TRPM3: variants seen among roughly 807,000 people sequenced by gnomAD.
TRPM3 encodes the protein long transient receptor potential channel 3.
In TRPM3, 77 loss-of-function variants were observed where a neutral mutation model predicts 181.2. The ratio of observed to expected loss-of-function variants is 0.42; its 90% CI spans 0.35 to 0.51. The LOEUF (loss-of-function observed/expected upper bound fraction) is 0.51. Ranked by LOEUF, TRPM3 falls within the 20% of genes least tolerant of loss-of-function variation. The pLI is 0.01. For synonymous variants in TRPM3, 745 were observed against 796.4 expected, an observed-to-expected ratio of 0.94 and a Z score of 1.09; for missense variants, 1,759 against 2,196.7, an observed-to-expected ratio of 0.80 and a Z score of 3.98.
At chr9:71,446,641 C>T in intron 1 of TRPM3, 1 of 1,549,186 alleles carries the variant, frequency 6.5e-7, no homozygotes, top group Non-Finnish European at 8.7e-7. Context: ...GGGCTCTCCC[C>T]CGGCCACTCA....
intron 1 of TRPM3, among the ~76,000 whole-genome samples, chr9:71,088,564 T>C (rs749913569): frequency 1.6e-4 from 24 of 152,126 alleles, no homozygotes; most frequent in Non-Finnish European, 2.9e-4. Flanking sequence ...GGCTCTAGAC[T>C]CAAGCTAAAT....
At chr9:71,262,114 T>TC (rs908583908) in intron 1 of TRPM3, among the ~76,000 whole-genome samples, 10 of 152,248 alleles carry the variant, frequency 6.6e-5, no homozygotes, top group Admixed American at 5.9e-4. Context: ...AGCTGCCCCT[T>TC]CCCCCGGGTG....
intron 1 of TRPM3, among the ~76,000 whole-genome samples, chr9:71,344,878 A>C (rs2091199363): frequency 6.6e-6 from 1 of 152,228 alleles, no homozygotes. Context: ...CAATTCAATA[A>C]CAAGAAAACA....
intron 7 of TRPM3, among the ~76,000 whole-genome samples, chr9:70,762,542 T>C (rs372915689): frequency 1.3e-5 from 2 of 152,218 alleles, no homozygotes; most frequent in African/African-American, 2.4e-5. Flanking sequence ...TAATAACAGA[T>C]ACTATTTAAA....
rs2057474353 is a variant in TRPM3 at position 71,032,040 on chromosome 9, ATATATATATT to A, written c.177+89128_177+89137del. Among the ~76,000 whole-genome samples the A allele has an allele frequency of 3.7e-4, 3 of 8,038 alleles. 1 individual carries two copies. The highest frequency in any genetic ancestry group is 3.6e-3 in the African/African-American group (3 of 842). The allele number at this position is 8,038 out of a possible 152,430, so 5.3% of individuals were successfully genotyped here. On this transcript the variant is annotated intron_variant, in intron 1 of 25. Transcript: ENST00000677713. ...ATATATATATATAATATAAATATAT[ATATATATATT>A]ATATATATTATATATATTATATTAT...
chr9:70,811,369 A>G, intron 6 of TRPM3: 1 of 764,564 alleles, frequency 1.3e-6, no homozygotes, highest in South Asian at 1.7e-5. Context: ...TTGCACAGTG[A>G]AACCTATGTA....
In TRPM3 at chr9:71,160,194, C is replaced by T. The variant is rs573305952; in HGVS notation, c.183+286459G>A. ...CCCTAAAATATCTTAATGGTTCTGT[C>T]ATCCCTTTCAAATCTTTGCTCAAAT... is the stretch of plus-strand genomic sequence containing the variant. On this transcript the variant is annotated intron_variant, in intron 1 of 24. Coordinates refer to the TRPM3 transcript ENST00000357533. Among the ~76,000 whole-genome samples the T allele has an allele frequency of 6.2e-3, 939 of 152,232 alleles. 12 individuals carry two copies. The highest frequency in any genetic ancestry group is 0.021 in the African/African-American group (885 of 41,566).
intron 6 of TRPM3, among the ~76,000 whole-genome samples, chr9:70,802,368 T>C (rs943608295): frequency 6.6e-6 from 1 of 152,180 alleles, no homozygotes; most frequent in African/African-American, 2.4e-5. Context: ...TACTCAACTC[T>C]GTGGTTACAG....
At chr9:70,972,817 C>T (rs2097260629) in intron 1 of TRPM3, among the ~76,000 whole-genome samples, 1 of 151,966 alleles carries the variant, frequency 6.6e-6, no homozygotes, top group South Asian at 2.1e-4. Flanking sequence ...CAGGTTAGTG[C>T]CCACTTTGAT....
At chr9:70,756,148 AAAACAAAAAC>A (rs1165144895) in intron 8 of TRPM3, among the ~76,000 whole-genome samples, 1 of 152,226 alleles carries the variant, frequency 6.6e-6, no homozygotes, top group Non-Finnish European at 1.5e-5. Context: ...AAAACAAAAC[AAAACAAAAAC>A]AAACAAAAAA....
chr9:70,744,153 C>A (rs2074694333), intron 8 of TRPM3, among the ~76,000 whole-genome samples: 1 of 151,940 alleles, frequency 6.6e-6, no homozygotes, highest in Middle Eastern at 3.4e-3. Flanking sequence ...CATGGTGAAA[C>A]CCCGTCTCTA....
intron 1 of TRPM3, among the ~76,000 whole-genome samples, chr9:70,947,661 A>G (rs2096950067): frequency 6.6e-6 from 1 of 152,134 alleles, no homozygotes; most frequent in African/African-American, 2.4e-5. Context: ...GGATGGAGAG[A>G]CAATAAGGAA....
chr9:71,167,253 A>T (rs1316247198), intron 1 of TRPM3, among the ~76,000 whole-genome samples: 1 of 152,184 alleles, frequency 6.6e-6, no homozygotes, highest in African/African-American at 2.4e-5. Context: ...AGCCAGAACT[A>T]CCTAGATGAT....
chr9:70,993,802 AAAAGAAAG>A (rs57430823), intron 1 of TRPM3, among the ~76,000 whole-genome samples: 46 of 105,020 alleles, frequency 4.4e-4, no homozygotes, highest in East Asian at 2.1e-3. Flanking sequence ...AAAAAAAAAA[AAAAGAAAG>A]AAAGAAAGAA....
chr9:71,016,435 C>T (rs549877206), intron 1 of TRPM3, among the ~76,000 whole-genome samples: 1 of 152,204 alleles, frequency 6.6e-6, no homozygotes, highest in Admixed American at 6.5e-5. Flanking sequence ...TCCTCCCTCC[C>T]TACTCCCAGA....
At chr9:71,271,661 G>C (rs1349791949) in intron 1 of TRPM3, among the ~76,000 whole-genome samples, 1 of 151,598 alleles carries the variant, frequency 6.6e-6, no homozygotes, top group Non-Finnish European at 1.5e-5. Flanking sequence ...GAGCCACAAA[G>C]GATTCGCTGG....
At chr9:71,020,886 C>T (rs2097842032) in intron 1 of TRPM3, among the ~76,000 whole-genome samples, 3 of 151,988 alleles carry the variant, frequency 2.0e-5, no homozygotes, top group South Asian at 2.1e-4. Context: ...AGCATATGCC[C>T]AATGGGAAGT....
chr9:70,610,783 G>A, intron 18 of TRPM3, 34 bp from the exon 19 acceptor site: 1 of 1,610,508 alleles, frequency 6.2e-7, no homozygotes, highest in Non-Finnish European at 8.5e-7. Context: ...CATCATGACA[G>A]GGCTCTGGAG....
intron 1 of TRPM3, among the ~76,000 whole-genome samples, chr9:70,870,340 C>T (rs933672678): frequency 6.6e-6 from 1 of 152,004 alleles, no homozygotes. Flanking sequence ...AATAAACTAC[C>T]TAGTGACTTT....
Sources: gnomAD v4.1 joint callset for allele counts (sites outside exome capture counted in the v4.1 genomes callset) on GRCh38, gnomAD v4.1.1 for gene constraint, MANE v1.5 for transcripts, NCBI Gene and HGNC (gene_info 2026-07-23, HGNC 2026-07-21) for gene names.